The following DACH2 variants were observed in gnomAD, a reference collection of about 807,000 sequenced individuals.
DACH2 encodes the protein dachshund family transcription factor 2.
DACH2 carries 17 observed loss-of-function variants against 35.8 expected under a neutral mutation model. That is an observed-to-expected ratio of 0.48 (90% CI 0.33 to 0.71). The LOEUF is 0.71. Ranked by LOEUF, DACH2 falls within the 30% of genes least tolerant of loss-of-function variation. DACH2 has a pLI of 0.02. For synonymous variants in DACH2, 195 were observed against 177.3 expected, an observed-to-expected ratio of 1.10 and a Z score of -0.79; for missense variants, 469 against 472.7, an observed-to-expected ratio of 0.99 and a Z score of 0.07.
At chrX:86,288,309 C>T (rs1055674192) in intron 1 of DACH2, among the ~76,000 whole-genome samples, 14 of 112,272 alleles carry the variant, frequency 1.2e-4, no homozygotes, top group African/African-American at 3.6e-4. Flanking sequence ...ATGGCCACCA[C>T]TTCTGTGACT....
intron 6 of DACH2, among the ~76,000 whole-genome samples, chrX:86,716,667 T>G (rs1347068473): frequency 8.9e-6 from 1 of 112,330 alleles, no homozygotes; most frequent in Non-Finnish European, 1.9e-5. Context: ...AAATACCATA[T>G]TTAATTAGCT....
chrX:86,297,024 TATAA>T (rs1237915932), intron 1 of DACH2, among the ~76,000 whole-genome samples: 1 of 80,675 alleles, frequency 1.2e-5, no homozygotes, highest in Non-Finnish European at 2.3e-5. Context: ...TATACAGTCC[TATAA>T]ATAAATATAA....
chrX:86,705,046 C>A (rs1026225220), intron 5 of DACH2, among the ~76,000 whole-genome samples: 2 of 104,258 alleles, frequency 1.9e-5, no homozygotes, highest in Non-Finnish European at 3.9e-5. Context: ...ATATATATAT[C>A]TCACATATAT....
chrX:86,716,823 C>T (rs747554279), intron 6 of DACH2, among the ~76,000 whole-genome samples: 1 of 111,654 alleles, frequency 9.0e-6, no homozygotes, highest in South Asian at 3.7e-4. Flanking sequence ...ATTTTTTACC[C>T]ATTATGACAA....
chrX:86,570,248 A>G (rs1304341300), intron 3 of DACH2, among the ~76,000 whole-genome samples: 2 of 111,775 alleles, frequency 1.8e-5, no homozygotes, highest in African/African-American at 6.5e-5. Flanking sequence ...TATATACCCA[A>G]AGGAATATAA....
At position 86,437,123 on chromosome X, in the gene DACH2, C is replaced by A. The variant is rs186030229; in HGVS notation, c.527+60261C>A. 1.8e-3 allele frequency among the ~76,000 whole-genome samples: 201 copies of A among 110,818 alleles called. 2 individuals carry two copies. The highest frequency in any genetic ancestry group is 4.7e-3 in the Middle Eastern group (1 of 214). On this transcript the variant is annotated intron_variant, in intron 2 of 11. Coordinates refer to ENST00000373125, the MANE Select transcript of DACH2 (RefSeq NM_053281.3). ...TCTATTCCTTGTTTTTCTCTTTTGA[C>A]TTGTTTTTAACTTTGTTGATTTCCA...
chrX:86,261,777 C>A (rs1327024168), intron 1 of DACH2, among the ~76,000 whole-genome samples: 1 of 111,009 alleles, frequency 9.0e-6, no homozygotes, highest in Non-Finnish European at 1.9e-5. Flanking sequence ...AGCTCCTTCC[C>A]ATTAATAAAA....
chrX:86,304,657 T>A (rs1221869488), intron 1 of DACH2: 1 of 167,525 alleles, frequency 6.0e-6, no homozygotes, highest in Non-Finnish European at 1.3e-5. Flanking sequence ...CTGGACAGCA[T>A]CCACATGACA....
At chrX:86,175,962 T>C (rs765554359) in intron 1 of DACH2, among the ~76,000 whole-genome samples, 12 of 111,709 alleles carry the variant, frequency 1.1e-4, no homozygotes, top group Non-Finnish European at 2.3e-4. Context: ...CAACATTAAG[T>C]GCCCATTAAG....
At chrX:86,324,571 CTTTTTTTTT>C (rs56918891) in intron 1 of DACH2, among the ~76,000 whole-genome samples, 2 of 40,650 alleles carry the variant, frequency 4.9e-5, no homozygotes, top group South Asian at 3.2e-3. Flanking sequence ...TCACTGTTGT[CTTTTTTTTT>C]TTTTTTTTTT....
intron 3 of DACH2, among the ~76,000 whole-genome samples, chrX:86,642,378 A>G (rs6623749): frequency 0.094 from 10,463 of 111,660 alleles, 498 homozygotes; most frequent in South Asian, 0.33. Flanking sequence ...ACATAATGGT[A>G]AAGTGTTCAA....
At chrX:86,624,221 A>G (rs1256783821) in intron 3 of DACH2, among the ~76,000 whole-genome samples, 1 of 111,376 alleles carries the variant, frequency 9.0e-6, no homozygotes, top group African/African-American at 3.3e-5. Flanking sequence ...AGGATTTCAA[A>G]CTAAAAAATA....
chrX:86,788,564 C>G (rs2042160013), intron 7 of DACH2, among the ~76,000 whole-genome samples: 1 of 112,027 alleles, frequency 8.9e-6, no homozygotes, highest in Admixed American at 9.5e-5. Flanking sequence ...AATCATACCA[C>G]TTTCTCACTT....
At chrX:86,652,602 A>G (rs1181189019) in intron 4 of DACH2, among the ~76,000 whole-genome samples, 1 of 112,115 alleles carries the variant, frequency 8.9e-6, no homozygotes, top group Admixed American at 9.5e-5. Context: ...CAACCTTGCC[A>G]GAATCTCTAT....
At chrX:86,336,380 G>T (rs1242779766) in intron 1 of DACH2, among the ~76,000 whole-genome samples, 1 of 111,855 alleles carries the variant, frequency 8.9e-6, no homozygotes, top group Non-Finnish European at 1.9e-5. Context: ...TCTGGTCCTG[G>T]GCTTCCAGAG....
At chrX:86,324,095 T>A (rs1416687421) in intron 1 of DACH2, among the ~76,000 whole-genome samples, 2 of 112,107 alleles carry the variant, frequency 1.8e-5, no homozygotes, top group African/African-American at 6.5e-5. Context: ...AGAAGTGATT[T>A]CTTTGAACTG....
intron 2 of DACH2, among the ~76,000 whole-genome samples, chrX:86,465,808 A>G (rs139360577): frequency 7.8e-4 from 87 of 112,133 alleles, no homozygotes; most frequent in African/African-American, 2.7e-3. Flanking sequence ...TTGATTTTCT[A>G]TACCATGACT....
chrX:86,403,045 A>C (rs1748299635), intron 2 of DACH2, among the ~76,000 whole-genome samples: 1 of 112,339 alleles, frequency 8.9e-6, no homozygotes, highest in South Asian at 3.6e-4. Context: ...AGATGGATCA[A>C]AGATTTAAAT....
At chrX:86,434,335 T>A (rs1266849870) in intron 2 of DACH2, among the ~76,000 whole-genome samples, 5 of 111,664 alleles carry the variant, frequency 4.5e-5, no homozygotes, top group African/African-American at 6.5e-5. Flanking sequence ...TTGCAAACAA[T>A]CTAATTATAC....
Sources: gnomAD v4.1 joint callset for allele counts (sites outside exome capture counted in the v4.1 genomes callset) on GRCh38, gnomAD v4.1.1 for gene constraint, MANE v1.5 for transcripts, NCBI Gene and HGNC (gene_info 2026-07-23, HGNC 2026-07-21) for gene names.